MACF1: variants seen among roughly 807,000 people sequenced by gnomAD.
MACF1 encodes microtubule-actin cross-linking factor 1.
A neutral mutation model predicts 854.8 loss-of-function variants in MACF1; 193 were observed. The ratio of observed to expected loss-of-function variants is 0.23; its 90% CI spans 0.20 to 0.25. The LOEUF (loss-of-function observed/expected upper bound fraction) is 0.25. Among genes scored for constraint, MACF1 ranks in the 10% least tolerant of loss-of-function variants. MACF1 has a pLI of 1.00. For missense variants in MACF1, 7,722 were observed against 8,929.1 expected (o/e 0.86, Z 5.45); for synonymous variants, 3,185 against 3,226.7 (o/e 0.99, Z 0.44).
chr1:39,463,751 T>C (rs563688939), intron 94 of MACF1, 65 bp downstream of exon 94: 3 of 1,417,188 alleles, frequency 2.1e-6, no homozygotes, highest in Admixed American at 3.4e-5. Flanking sequence ...TCCCACCTTT[T>C]CCTCCTGATG....
At position 39,468,638 on chromosome 1, in the gene MACF1, G is replaced by A. The variant is rs141731743; in HGVS notation, c.21795G>A (p.Arg7265=). Residue 7265 remains arginine, a synonymous_variant, in exon 96 of 101, where the codon CGG becomes CGA. Coordinates refer to ENST00000564288, the MANE Select transcript of MACF1 (RefSeq NM_001394062.1). The stretch of plus-strand genomic sequence containing the variant: ...AGTTTGGGGATTCTCAGCAGTTGCG[G>A]CTGGTCCGTATTCTGCGCAGCACCG... ...GNQFGDSQQL[R]LVRILRSTVM... The A allele has an allele frequency of 1.3e-3, 2,080 of 1,614,116 alleles. 2 individuals carry two copies. Among genetic ancestry groups the A allele is most frequent in the Non-Finnish European group, 1.6e-3 (1,929 of 1,179,972 alleles).
intron 44 of MACF1, among the ~76,000 whole-genome samples, chr1:39,355,327 A>G (rs1402339532): frequency 6.6e-6 from 1 of 152,230 alleles, no homozygotes; most frequent in African/African-American, 2.4e-5. Flanking sequence ...AAACTGCCTT[A>G]TAGGTAGATG....
intron 6 of MACF1, among the ~76,000 whole-genome samples, chr1:39,266,294 G>C (rs772357578): frequency 2.0e-5 from 3 of 152,198 alleles, no homozygotes; most frequent in Non-Finnish European, 4.4e-5. Context: ...TTCTTCACTG[G>C]AGGAGTGAAG....
At chr1:39,296,751 A>AAAGAAAGGAAGGAAGG (rs1362049025) in intron 20 of MACF1, among the ~76,000 whole-genome samples, 75 of 93,714 alleles carry the variant, frequency 8.0e-4, no homozygotes, top group African/African-American at 3.1e-3. Flanking sequence ...AGAAAGAAAG[A>AAAGAAAGGAAGGAAGG]AAGGAAGGAA....
At chr1:39,215,006 T>C (rs1644559112) in intron 1 of MACF1, among the ~76,000 whole-genome samples, 1 of 152,174 alleles carries the variant, frequency 6.6e-6, no homozygotes, top group South Asian at 2.1e-4. Context: ...TTCTTCCTAC[T>C]CAGGTTTACT....
At chr1:39,408,718 C>T (rs994336970) in intron 58 of MACF1, among the ~76,000 whole-genome samples, 13 of 152,178 alleles carry the variant, frequency 8.5e-5, no homozygotes, top group Non-Finnish European at 1.6e-4. Context: ...AGCCCAGACT[C>T]GCGCGGGTTC....
At chr1:39,271,827 G>A (rs986812826) in intron 6 of MACF1, among the ~76,000 whole-genome samples, 8 of 152,160 alleles carry the variant, frequency 5.3e-5, no homozygotes, top group African/African-American at 1.9e-4. Flanking sequence ...TGGCACCTTT[G>A]TATGGGCTGG....
chr1:39,310,750 C>G (rs953276172), intron 25 of MACF1, 81 bp from the exon 26 acceptor site: 21 of 1,353,626 alleles, frequency 1.6e-5, no homozygotes, highest in Non-Finnish European at 2.0e-5. Context: ...CTAAATAAAG[C>G]CTTGCTTTCA....
chr1:39,374,849 G>A (rs749678316), intron 52 of MACF1, among the ~76,000 whole-genome samples: 10 of 152,114 alleles, frequency 6.6e-5, no homozygotes, highest in South Asian at 6.2e-4. Context: ...AGTGGCTCAC[G>A]CCTGTAATCC....
In MACF1 at chr1:39,388,911, C is replaced by T. The variant is rs1641913837; in HGVS notation, c.15816+253C>T. On this transcript the variant is annotated intron_variant, in intron 58 of 100. Coordinates refer to ENST00000564288, the MANE Select transcript of MACF1 (RefSeq NM_001394062.1). ...TTTTTTTTTTTGAGACAGGGTCTCT[C>T]TCTCTCACCCAGGCTGGAGTGCAGT... Among the ~76,000 whole-genome samples the T allele has an allele frequency of 4.1e-5, 5 of 121,520 alleles. No homozygotes were observed. The Admixed American group carries it at 5.1e-4, about 12-fold the overall frequency. 79.7% of individuals were successfully genotyped at this position (121,520 alleles called of 152,430 possible). A position where few individuals can be genotyped will look rare whatever the true frequency, so the allele number is the denominator to read the frequency against.
rs772804082 is a variant in MACF1 at position 39,087,205 on chromosome 1, T to TA, written c.220+2768dup. On this transcript the variant is annotated intron_variant, in intron 2 of 93. Coordinates refer to the MACF1 transcript ENST00000361689. ...TTGTGGGAGGAAATGAAGTCAGTCTTACGCTGGAAGCCAGCTGTGGCCTGT... is the reference window on the plus strand; with the variant it reads ...TTGTGGGAGGAAATGAAGTCAGTCTTAACGCTGGAAGCCAGCTGTGGCCTGT... 3.9e-5 allele frequency among the ~76,000 whole-genome samples: 6 copies of TA among 152,348 alleles called. No individual in the cohort carries two copies. The East Asian group carries it at 7.7e-4, about 20-fold the overall frequency.
chr1:39,102,757 C>A (rs1312613038), intron 2 of MACF1: 8 of 702,390 alleles, frequency 1.1e-5, no homozygotes, highest in Non-Finnish European at 2.1e-5. Flanking sequence ...CTTAGAAATG[C>A]AGCAGCAGTC....
At chr1:39,186,222 G>T (rs56316328) in intron 2 of MACF1, among the ~76,000 whole-genome samples, 1 of 115,974 alleles carries the variant, frequency 8.6e-6, no homozygotes, top group East Asian at 2.6e-4. Flanking sequence ...CTCTGTGTGT[G>T]TGTGTGTGTG....
chr1:39,417,121 A>G (rs960238524), intron 58 of MACF1, among the ~76,000 whole-genome samples: 1 of 152,178 alleles, frequency 6.6e-6, no homozygotes, highest in East Asian at 1.9e-4. Context: ...GAGGTCCTCT[A>G]TGTCTGTATG....
At chr1:39,425,363 C>G (rs1449023075) in intron 61 of MACF1, among the ~76,000 whole-genome samples, 1 of 152,142 alleles carries the variant, frequency 6.6e-6, no homozygotes, top group African/African-American at 2.4e-5. Flanking sequence ...TCCCATCCCC[C>G]AGCTGCAGAT....
chr1:39,346,755 G>A (rs1195911147), intron 40 of MACF1, among the ~76,000 whole-genome samples: 1 of 152,056 alleles, frequency 6.6e-6, no homozygotes, highest in Admixed American at 6.6e-5. Flanking sequence ...TCCTGACCTT[G>A]TGATCCGCCC....
At chr1:39,242,174 C>G (rs1173172476) in intron 2 of MACF1, among the ~76,000 whole-genome samples, 4 of 151,984 alleles carry the variant, frequency 2.6e-5, no homozygotes, top group Non-Finnish European at 5.9e-5. Context: ...ATGGCGAAAC[C>G]TTGTCTCTAT....
Position 39,453,817 on chromosome 1 carries a change from C to T in MACF1, c.20853C>T (p.His6951=), listed in dbSNP as rs1644384210. ...CHPDCITTIK[H]WITIIRARFE... ...CCGATTGCATCACAACCATCAAACACTGGATCACCATCATCCGAGCTCGCT... is the reference window on the plus strand; with the variant it reads ...CCGATTGCATCACAACCATCAAACATTGGATCACCATCATCCGAGCTCGCT... Residue 6951 remains histidine (H), a synonymous_variant, in exon 88 of 101, where the codon CAC becomes CAT. Coordinates refer to ENST00000564288, the MANE Select transcript of MACF1 (RefSeq NM_001394062.1). 1 of 1,614,220 alleles carries T rather than the reference C, an allele frequency of 6.2e-7. No individual in the cohort carries two copies. Among genetic ancestry groups the T allele is most frequent in the Non-Finnish European group, 8.5e-7 (1 of 1,180,036 alleles).
At position 39,439,519 on chromosome 1, in the gene MACF1, C is replaced by G; in HGVS notation, c.18447+19C>G. 6.3e-7 allele frequency: 1 copy of G among 1,595,582 alleles called. No homozygotes were observed. Among genetic ancestry groups the G allele is most frequent in the African/African-American group, 1.3e-5 (1 of 74,550 alleles). On this transcript the variant is annotated intron_variant, in intron 72 of 100. Coordinates refer to ENST00000564288, the MANE Select transcript of MACF1 (RefSeq NM_001394062.1). ...TGCTGAGGTAAGAAGGAAACAAAAC[C>G]CTTTTTCTTAGGTGTCTGTCCTCTA...
Sources: gnomAD v4.1 joint callset for allele counts (sites outside exome capture counted in the v4.1 genomes callset) on GRCh38, gnomAD v4.1.1 for gene constraint, MANE v1.5 for transcripts, NCBI Gene and HGNC (gene_info 2026-07-23, HGNC 2026-07-21) for gene names.